The following BMP8B variants were observed in gnomAD, a reference collection of about 807,000 sequenced individuals.
BMP8B encodes the protein bone morphogenetic protein 8b, also known as bone morphogenetic protein 8 (osteogenic protein 2).
In BMP8B, 17 loss-of-function variants were observed where a neutral mutation model predicts 30.3. The observed-to-expected ratio is 0.56, with a 90% CI of 0.38 to 0.84. The LOEUF (loss-of-function observed/expected upper bound fraction) is 0.84, where lower values mean the gene tolerates loss of function less well. Ranked by LOEUF, BMP8B falls within the 40% of genes least tolerant of loss-of-function variation. The pLI is 0.00. For missense variants in BMP8B, 253 were observed against 494.6 expected (o/e 0.51, Z 4.63); for synonymous variants, 131 against 214.7 (o/e 0.61, Z 3.41).
chr1:39,761,103 G>C (rs185039296), intron 6 of BMP8B: 1 of 155,480 alleles, frequency 6.4e-6, no homozygotes, highest in African/African-American at 2.4e-5. Context: ...GCACGTGCCC[G>C]CACCTCTCCA....
chr1:39,778,273 G>A (rs1430335335), intron 1 of BMP8B, among the ~76,000 whole-genome samples: 4 of 151,764 alleles, frequency 2.6e-5, no homozygotes, highest in South Asian at 2.1e-4. Context: ...CGACATTCCC[G>A]TTGCTGTGGA....
chr1:39,762,418 C>G, intron 6 of BMP8B: 1 of 1,425,072 alleles, frequency 7.0e-7, no homozygotes, highest in Non-Finnish European at 9.3e-7. Context: ...GTAAAAAGTT[C>G]TAGAAGGAAG....
chr1:39,760,794 G>A (rs1236901941), intron 6 of BMP8B, among the ~76,000 whole-genome samples: 6 of 152,196 alleles, frequency 3.9e-5, no homozygotes, highest in Admixed American at 3.3e-4. Context: ...ATGGCAGGGG[G>A]TGTGCAGCAG....
intron 1 of BMP8B, among the ~76,000 whole-genome samples, chr1:39,785,976 G>A (rs7550583): frequency 0.01 from 1,575 of 152,274 alleles, 27 homozygotes; most frequent in African/African-American, 0.035. Flanking sequence ...TGTTAATCTC[G>A]CAGCGCTGGA....
At chr1:39,762,350 G>A (rs556801459) in intron 6 of BMP8B, 72 of 885,692 alleles carry the variant, frequency 8.1e-5, no homozygotes, top group Middle Eastern at 7.2e-4. Context: ...AGGCATCACC[G>A]TTGAACCTCC....
chr1:39,788,600 C>G lies in BMP8B; in HGVS notation c.-115G>C. ...GAGGCTGGGCTCGGCGGGCGGCGGGCGGCGGGGCGGGGCGGGACGGGCGGC... is the reference window on the plus strand; with the variant it reads ...GAGGCTGGGCTCGGCGGGCGGCGGGGGGCGGGGCGGGGCGGGACGGGCGGC... On this transcript the variant is annotated 5_prime_UTR_variant, in exon 1 of 7. Transcript: ENST00000372827. This position sits in a 1 kb window ranked among gnomAD's most constrained non-coding sequence, Gnocchi z 5.8. 1.2e-6 allele frequency: 1 copy of G among 842,220 alleles called. No homozygotes were observed. Among genetic ancestry groups the G allele is most frequent in the Non-Finnish European group, 1.4e-6 (1 of 700,648 alleles). 52.2% of individuals were successfully genotyped at this position (842,220 alleles called of 1,614,324 possible).
rs945761534 is a variant in BMP8B, at chr1:39,759,683, A to G, written c.*736T>C. The G allele has an allele frequency of 6.6e-6, 1 of 152,256 alleles. No homozygotes were observed. The highest frequency in any genetic ancestry group is 2.4e-5 in the African/African-American group (1 of 41,456). 9.4% of individuals were successfully genotyped at this position (152,256 alleles called of 1,614,324 possible). A position where few individuals can be genotyped will look rare whatever the true frequency, so the allele number is the denominator to read the frequency against. ...AACATGGTGGCAGATAGATGGGTCAATTGGAAGCCCCAAGATTTTTCTGTT... is the reference window on the plus strand; with the variant it reads ...AACATGGTGGCAGATAGATGGGTCAGTTGGAAGCCCCAAGATTTTTCTGTT... On this transcript the variant is annotated 3_prime_UTR_variant, in exon 7 of 7. Coordinates refer to ENST00000372827, the MANE Select transcript of BMP8B (RefSeq NM_001720.5).
chr1:39,778,474 T>C (rs375631925), intron 1 of BMP8B, among the ~76,000 whole-genome samples: 167 of 151,254 alleles, frequency 1.1e-3, no homozygotes, highest in African/African-American at 3.9e-3. Flanking sequence ...TCATGACCTG[T>C]TGGTTCTGCG....
At chr1:39,763,894 T>G (rs1649392569) in intron 4 of BMP8B, 103 bp from the exon 5 acceptor site, 22 of 1,295,434 alleles carry the variant, frequency 1.7e-5, no homozygotes, top group Non-Finnish European at 2.4e-5. Flanking sequence ...ATTTGTCAAA[T>G]AAATGAATGA....
chr1:39,770,425 T>A lies in BMP8B; in HGVS notation c.673+3883A>T, dbSNP rs376756925. ...TCAGGATCGTTAAGCGCTCAATTCG[T>A]TTCTCGTATTTCTGCCCCTTTATCA... On this transcript the variant is annotated intron_variant, in intron 3 of 6. Coordinates refer to ENST00000372827, the MANE Select transcript of BMP8B (RefSeq NM_001720.5). 3.1e-6 allele frequency: 5 copies of A among 1,608,540 alleles called. No homozygotes were observed. In the African/African-American group the frequency reaches 6.9e-5, roughly 22 times the overall value.
intron 1 of BMP8B, among the ~76,000 whole-genome samples, chr1:39,778,032 T>C (rs1373901690): frequency 1.3e-5 from 2 of 152,246 alleles, no homozygotes; most frequent in Non-Finnish European, 2.9e-5. Context: ...CAGCGAGCCC[T>C]TGGAGGGCCG....
At position 39,757,251 on chromosome 1, in the gene BMP8B, A is replaced by G. The variant is rs1648378962; in HGVS notation, c.*3168T>C. On this transcript the variant is annotated 3_prime_UTR_variant, in exon 7 of 7. Coordinates refer to ENST00000372827, the MANE Select transcript of BMP8B (RefSeq NM_001720.5). ...AAAAATAAGCAAATTCATTTGTAAT[A>G]ATACCAGCAAATACCTATTGTTAAG... The G allele has an allele frequency of 6.6e-6, 1 of 152,272 alleles. No individual in the cohort carries two copies. Among genetic ancestry groups the G allele is most frequent in the Non-Finnish European group, 1.5e-5 (1 of 68,048 alleles). The allele number at this position is 152,272 out of a possible 1,614,324, so 9.4% of individuals were successfully genotyped here.
At chr1:39,784,119 C>A (rs1650829007) in intron 1 of BMP8B, among the ~76,000 whole-genome samples, 1 of 152,136 alleles carries the variant, frequency 6.6e-6, no homozygotes, top group South Asian at 2.1e-4. Context: ...CACCTATCTG[C>A]TCTGAGCCTC....
intron 1 of BMP8B, among the ~76,000 whole-genome samples, chr1:39,781,603 C>G (rs192345058): frequency 6.6e-6 from 1 of 152,132 alleles, no homozygotes; most frequent in African/African-American, 2.4e-5. Context: ...GACACTGGGT[C>G]GGAAAGTTTA....
chr1:39,787,824 T>C (rs918196085), intron 1 of BMP8B, among the ~76,000 whole-genome samples: 1 of 152,212 alleles, frequency 6.6e-6, no homozygotes, highest in Non-Finnish European at 1.5e-5. Context: ...TTTACTCACC[T>C]GTCTCCCCAG....
intron 1 of BMP8B, among the ~76,000 whole-genome samples, chr1:39,786,720 T>G (rs1169477981): frequency 5.9e-5 from 9 of 152,166 alleles, no homozygotes; most frequent in Non-Finnish European, 1.2e-4. Flanking sequence ...GATGGTCTCC[T>G]CTGTCCCACA....
rs776922070 is a variant in BMP8B, at chr1:39,788,209, C to G, written c.277G>C (p.Ala93Pro). The part of the protein sequence containing the change: ...AMAGDDDEDG[A>P]PAERRLGRAD... ...CGGCCCAGGCGCCGCTCCGCGGGCGCGCCGTCCTCGTCGTCGTCGCCGGCC... is the reference window on the plus strand; with the variant it reads ...CGGCCCAGGCGCCGCTCCGCGGGCGGGCCGTCCTCGTCGTCGTCGCCGGCC... The change falls in exon 1 of 7, where the codon GCG (alanine) becomes CCG (proline). Residue 93 changes from alanine (A) to proline (P), a missense_variant. Around this residue, in one of 7 missense-constraint regions of BMP8B, gnomAD observed 52 missense variants for 68.3 expected, o/e 0.76. Transcript: ENST00000372827. The surrounding 1 kb of genome is among the most constrained non-coding windows in gnomAD (Gnocchi z 5.8). 3 of 1,573,170 alleles carry G rather than the reference C, an allele frequency of 1.9e-6. No individual in the cohort carries two copies. In the East Asian group the frequency reaches 7.3e-5, roughly 38 times the overall value.
chr1:39,786,804 C>G (rs1372177019), intron 1 of BMP8B, among the ~76,000 whole-genome samples: 1 of 152,244 alleles, frequency 6.6e-6, no homozygotes, highest in Admixed American at 6.5e-5. Flanking sequence ...TGGCACTGGG[C>G]GCTCAGTGAT....
At chr1:39,777,919 C>T (rs1024543453) in intron 1 of BMP8B, among the ~76,000 whole-genome samples, 1 of 152,216 alleles carries the variant, frequency 6.6e-6, no homozygotes, top group Non-Finnish European at 1.5e-5. Context: ...CTCAGTCCGA[C>T]TGAGAAGGCT....
Sources: gnomAD v4.1 joint callset for allele counts (sites outside exome capture counted in the v4.1 genomes callset) on GRCh38, gnomAD v4.1.1 for gene constraint, gnomAD v4.1.1 regional missense constraint, Gnocchi (gnomAD v3.1) non-coding constraint, MANE v1.5 for transcripts, NCBI Gene and HGNC (gene_info 2026-07-23, HGNC 2026-07-21) for gene names.